The following WASHC5 variants were observed in gnomAD, a reference collection of about 807,000 sequenced individuals.
WASHC5 encodes the protein WASH complex subunit 5.
Under a neutral mutation model 150.4 loss-of-function variants are expected in WASHC5, and 101 were observed. The ratio of observed to expected loss-of-function variants is 0.67; its 90% CI spans 0.57 to 0.79. The LOEUF (loss-of-function observed/expected upper bound fraction) is 0.79, where lower values mean the gene tolerates loss of function less well. WASHC5 is among the 30% of genes least tolerant of loss of function. The pLI is 0.00. For missense variants in WASHC5, 1,195 were observed against 1,396.3 expected (o/e 0.86, Z 2.30); for synonymous variants, 467 against 491.2 (o/e 0.95, Z 0.65).
Position 125,057,462 on chromosome 8 carries a change from C to A in WASHC5, c.1875+94G>T. The A allele has an allele frequency of 2.4e-6, 2 of 833,478 alleles. 1 individual carries two copies. The highest frequency in any genetic ancestry group is 4.0e-5 in the Admixed American group (2 of 49,490). The allele number at this position is 833,478 out of a possible 1,614,324, so 51.6% of individuals were successfully genotyped here. A position where few individuals can be genotyped will look rare whatever the true frequency, so the allele number is the denominator to read the frequency against. ...ATCAAATTTTTAAAAGGGAAAGAGA[C>A]ACGGATATACTTTTGGGGGGCCTAA... On this transcript the variant is annotated intron_variant, in intron 15 of 28. Coordinates refer to ENST00000318410, the MANE Select transcript of WASHC5 (RefSeq NM_014846.4).
At chr8:125,054,097 G>A (rs1816332857) in intron 17 of WASHC5, among the ~76,000 whole-genome samples, 2 of 152,272 alleles carry the variant, frequency 1.3e-5, no homozygotes, top group Admixed American at 6.5e-5. Flanking sequence ...AGATTTCAGA[G>A]GAACTCTTGC....
intron 9 of WASHC5, among the ~76,000 whole-genome samples, chr8:125,072,826 G>A (rs531821626): frequency 1.3e-5 from 2 of 152,216 alleles, no homozygotes; most frequent in South Asian, 4.2e-4. Context: ...GGGCTGGAAG[G>A]CACTATTCTG....
chr8:125,083,911 C>A lies in WASHC5; in HGVS notation c.-13G>T. 3 of 1,612,142 alleles carry A rather than the reference C, an allele frequency of 1.9e-6. No individual in the cohort carries two copies. Among genetic ancestry groups the A allele is most frequent in the African/African-American group, 1.3e-5 (1 of 74,944 alleles). On this transcript the variant is annotated 5_prime_UTR_variant, in exon 2 of 29. Coordinates refer to ENST00000318410, the MANE Select transcript of WASHC5 (RefSeq NM_014846.4). ...GAAAGTCCAACATTGTGAGGCGGAC[C>A]GACTACTCTGTGCCTGGACACTGGG... is the stretch of plus-strand genomic sequence containing the variant.
intron 26 of WASHC5, 99 bp downstream of exon 26, chr8:125,037,138 T>C (rs1815732857): frequency 1.3e-6 from 1 of 749,708 alleles, no homozygotes; most frequent in Non-Finnish European, 2.4e-6. Context: ...TAAGAAAAGA[T>C]CTCATATCCG....
intron 5 of WASHC5, 21 bp from the exon 6 acceptor site, chr8:125,078,951 G>T: frequency 6.2e-7 from 1 of 1,601,496 alleles, no homozygotes; most frequent in South Asian, 1.1e-5. Context: ...TTCACAATGG[G>T]AAACAAAGAC....
rs749225659 is a variant in WASHC5, at chr8:125,059,539, G to A, written c.1525C>T (p.Gln509Ter). Residue 509 changes from glutamine to a stop codon, truncating the protein, a stop_gained, in exon 13 of 29, where the codon CAA (glutamine) becomes TAA (stop). Coordinates refer to ENST00000318410, the MANE Select transcript of WASHC5 (RefSeq NM_014846.4). LOFTEE classifies it high-confidence loss of function. The part of the protein sequence containing the change: ...VQLIQALEEV[Q>*]EFHQLESNLQ... ...TTGGATTCCAACTGGTGGAATTCTT[G>A]AACCTGTGTTACAGAAATATACTTA... 6.2e-7 allele frequency: 1 copy of A among 1,611,798 alleles called. No homozygotes were observed. Among genetic ancestry groups the A allele is most frequent in the Non-Finnish European group, 8.5e-7 (1 of 1,178,294 alleles).
chr8:125,073,079 C>T, intron 9 of WASHC5, 74 bp downstream of exon 9: 1 of 1,476,024 alleles, frequency 6.8e-7, no homozygotes, highest in South Asian at 1.1e-5. Context: ...AACCACTCTG[C>T]ATCGTGAAGT....
chr8:125,044,671 G>A lies in WASHC5; in HGVS notation c.2532C>T (p.Asn844=), dbSNP rs760598224. 3.1e-6 allele frequency: 5 copies of A among 1,614,068 alleles called. No homozygotes were observed. Among genetic ancestry groups the A allele is most frequent in the Middle Eastern group, 1.7e-4 (1 of 6,050 alleles). Residue 844 remains asparagine (N), a synonymous_variant, in exon 21 of 29, where the codon AAC becomes AAT. Coordinates refer to ENST00000318410, the MANE Select transcript of WASHC5 (RefSeq NM_014846.4). ...GATGAGTTTTCATATCATACCAAGT[G>A]TTCAGCTGGTCTATGTGACATGTCA... ...PKMTCHIDQL[N]TWYDMKTHQE...
chr8:125,044,172 A>G, intron 21 of WASHC5, 78 bp from the exon 22 acceptor site: 2 of 973,738 alleles, frequency 2.1e-6, no homozygotes, highest in South Asian at 2.7e-5. Context: ...CTAAAATGCT[A>G]TGCAGAACAG....
chr8:125,043,729 A>G, intron 23 of WASHC5, 96 bp downstream of exon 23: 1 of 818,766 alleles, frequency 1.2e-6, no homozygotes, highest in Non-Finnish European at 2.1e-6. Context: ...ATGACAAAAG[A>G]AAGAAGAGTA....
chr8:125,072,739 A>G (rs1816935828), intron 9 of WASHC5, among the ~76,000 whole-genome samples: 1 of 152,144 alleles, frequency 6.6e-6, no homozygotes, highest in African/African-American at 2.4e-5. Context: ...AGGTCAGCTA[A>G]TAGGCAACCT....
In WASHC5 at chr8:125,051,434, T is replaced by C. The variant is rs563495782; in HGVS notation, c.2098-769A>G. Among the ~76,000 whole-genome samples the C allele has an allele frequency of 5.3e-5, 8 of 152,328 alleles. No homozygotes were observed. In the East Asian group the frequency reaches 9.6e-4, roughly 18 times the overall value. On this transcript the variant is annotated intron_variant, in intron 17 of 28. Coordinates refer to ENST00000318410, the MANE Select transcript of WASHC5 (RefSeq NM_014846.4). The stretch of plus-strand genomic sequence containing the variant: ...TGGGTTCCATCCAGTTTTGATTGTA[T>C]TTAAATTTCAAATAAGACAACTGCA...
intron 6 of WASHC5, among the ~76,000 whole-genome samples, 161 bp downstream of exon 6, chr8:125,078,577 C>T (rs527957119): frequency 5.9e-4 from 90 of 152,260 alleles, no homozygotes; most frequent in African/African-American, 2.0e-3. Context: ...AATTAATAAC[C>T]CTCTTTCCTT....
intron 7 of WASHC5, among the ~76,000 whole-genome samples, chr8:125,075,491 T>C (rs572743278): frequency 3.9e-5 from 6 of 152,344 alleles, no homozygotes; most frequent in African/African-American, 9.6e-5. Context: ...TTTCATGTAA[T>C]TGGATTTTGG....
In WASHC5 at chr8:125,056,672, A is replaced by G. The variant is rs1487748129; in HGVS notation, c.2016+5T>C. ...GAAAAGGCAGAAGTCAGAGGGACAC[A>G]GCACCTCGTATCGTGGGCCTAGCTG... On this transcript the variant is annotated splice_donor_5th_base_variant and intron_variant, in intron 16 of 28. Transcript: ENST00000318410. The G allele has an allele frequency of 7.4e-6, 12 of 1,614,096 alleles. No individual in the cohort carries two copies. Among genetic ancestry groups the G allele is most frequent in the Non-Finnish European group, 1.0e-5 (12 of 1,179,960 alleles).
chr8:125,078,669 T>A, intron 6 of WASHC5, 69 bp downstream of exon 6: 1 of 1,242,318 alleles, frequency 8.0e-7, no homozygotes, highest in South Asian at 1.2e-5. Context: ...AGGAAAGGAG[T>A]AATTAAAGAG....
At chr8:125,060,330 T>C (rs1166293714) in intron 12 of WASHC5, among the ~76,000 whole-genome samples, 1 of 151,930 alleles carries the variant, frequency 6.6e-6, no homozygotes, top group Non-Finnish European at 1.5e-5. Flanking sequence ...CTACTAAAAA[T>C]ACAAAATTAG....
At chr8:125,079,185 CTTTTTTTTTTTTT>C (rs34211379) in intron 5 of WASHC5, among the ~76,000 whole-genome samples, 3 of 57,560 alleles carry the variant, frequency 5.2e-5, no homozygotes, top group Non-Finnish European at 8.8e-5. Flanking sequence ...TATATATAAC[CTTTTTTTTTTTTT>C]TTTTTTTTTT....
Position 125,057,514 on chromosome 8 carries a change from G to A in WASHC5, c.1875+42C>T, listed in dbSNP as rs746499867. 24 of 1,278,872 alleles carry A rather than the reference G, an allele frequency of 1.9e-5. No individual in the cohort carries two copies. In the Admixed American group the frequency reaches 4.1e-4, roughly 22 times the overall value. The allele number at this position is 1,278,872 out of a possible 1,614,324, so 79.2% of individuals were successfully genotyped here. A position where few individuals can be genotyped will look rare whatever the true frequency, so the allele number is the denominator to read the frequency against. On this transcript the variant is annotated intron_variant, in intron 15 of 28. Coordinates refer to ENST00000318410, the MANE Select transcript of WASHC5 (RefSeq NM_014846.4). ...CATACTTTTTGTATTTAAAACAGCAGTTATCTGGCAAGAGTAAATATCACC... is the reference window on the plus strand; with the variant it reads ...CATACTTTTTGTATTTAAAACAGCAATTATCTGGCAAGAGTAAATATCACC...
Sources: gnomAD v4.1 joint callset for allele counts (sites outside exome capture counted in the v4.1 genomes callset) on GRCh38, gnomAD v4.1.1 for gene constraint, MANE v1.5 for transcripts, NCBI Gene and HGNC (gene_info 2026-07-23, HGNC 2026-07-21) for gene names.